Variants in SLC39A11 observed in about 807,000 individuals in gnomAD.
SLC39A11 encodes zinc transporter ZIP11.
Under a neutral mutation model 36.1 loss-of-function variants are expected in SLC39A11, and 33 were observed. The ratio of observed to expected loss-of-function variants is 0.91; its 90% CI spans 0.69 to 1.22. The LOEUF (loss-of-function observed/expected upper bound fraction) is 1.22. Among genes scored for constraint, SLC39A11 ranks in the 50% most tolerant of loss-of-function variants. The pLI is 0.00. For missense variants in SLC39A11, 432 were observed against 430.3 expected, an observed-to-expected ratio of 1.00 and a Z score of -0.03; for synonymous variants, 166 against 170.3, an observed-to-expected ratio of 0.97 and a Z score of 0.20.
At chr17:72,854,472 T>G (rs1217845088) in intron 5 of SLC39A11, among the ~76,000 whole-genome samples, 2 of 152,134 alleles carry the variant, frequency 1.3e-5, no homozygotes, top group African/African-American at 4.8e-5. Flanking sequence ...CTATAATCAT[T>G]CTTACTTGCA....
chr17:73,073,635 C>T (rs968052269), intron 3 of SLC39A11: 1 of 152,210 alleles, frequency 6.6e-6, no homozygotes, highest in Non-Finnish European at 1.5e-5. Context: ...TCCCTAAATC[C>T]TTAAAAAGCA....
chr17:73,004,060 T>C (rs2089984543), intron 4 of SLC39A11, among the ~76,000 whole-genome samples: 1 of 145,570 alleles, frequency 6.9e-6, no homozygotes, highest in Admixed American at 7.1e-5. Flanking sequence ...CCCTCCAGCC[T>C]GGGCGACAGA....
intron 7 of SLC39A11, among the ~76,000 whole-genome samples, chr17:72,717,209 G>T (rs1289705474): frequency 6.6e-6 from 1 of 151,122 alleles, no homozygotes; most frequent in African/African-American, 2.4e-5. Context: ...GGAAAAAAAA[G>T]TGGCCTTGGG....
At chr17:72,692,008 T>C (rs560631795) in intron 7 of SLC39A11, among the ~76,000 whole-genome samples, 1 of 141,828 alleles carries the variant, frequency 7.1e-6, no homozygotes, top group Admixed American at 7.2e-5. Context: ...TACCTCAAAG[T>C]AGTGGATTTT....
chr17:72,789,074 C>T (rs1435280730), intron 6 of SLC39A11, among the ~76,000 whole-genome samples: 6 of 150,720 alleles, frequency 4.0e-5, no homozygotes, highest in African/African-American at 9.8e-5. Flanking sequence ...CTCATTCCAT[C>T]GCCAGATTGG....
At chr17:73,028,754 T>C (rs1353689752) in intron 4 of SLC39A11, among the ~76,000 whole-genome samples, 2 of 150,950 alleles carry the variant, frequency 1.3e-5, no homozygotes, top group Non-Finnish European at 2.9e-5. Flanking sequence ...GGCTTCCCTC[T>C]GGGATCTCCT....
chr17:72,847,294 T>A (rs2079093189), intron 6 of SLC39A11, among the ~76,000 whole-genome samples: 1 of 151,794 alleles, frequency 6.6e-6, no homozygotes, highest in Non-Finnish European at 1.5e-5. Flanking sequence ...TCCCAGCTAC[T>A]CGGGAGGCCG....
rs190768994 is a variant in SLC39A11 at position 72,710,102 on chromosome 17, C to T, written c.671+26548G>A. ...TTCCCCTGTCTCTCTTAATTTCCCT[C>T]TTCGTCCTTTGCTTACAGGGAGAAT... On this transcript the variant is annotated intron_variant, in intron 7 of 9. Coordinates refer to ENST00000255559, the MANE Select transcript of SLC39A11 (RefSeq NM_139177.4). Among the ~76,000 whole-genome samples, 3 of 152,334 alleles carry T rather than the reference C, an allele frequency of 2.0e-5. No individual in the cohort carries two copies. In the East Asian group the frequency reaches 5.8e-4, roughly 29 times the overall value.
intron 6 of SLC39A11, 31 bp downstream of exon 6, chr17:72,849,603 G>A (rs780593694): frequency 1.4e-6 from 2 of 1,459,708 alleles, no homozygotes; most frequent in Non-Finnish European, 1.8e-6. Flanking sequence ...CCTTCAGGCA[G>A]TGGCTGTCAC....
intron 1 of SLC39A11, 59 bp downstream of exon 1, chr17:73,092,552 C>T (rs1236127937): frequency 2.0e-5 from 3 of 152,924 alleles, no homozygotes; most frequent in Admixed American, 6.5e-5. Context: ...TCCTGATGGC[C>T]TCCGACCCCG....
Position 73,009,562 on chromosome 17 carries a change from T to C in SLC39A11, c.306+21994A>G, listed in dbSNP as rs186277490. Among the ~76,000 whole-genome samples the C allele has an allele frequency of 2.3e-3, 353 of 151,864 alleles. 2 individuals carry two copies. The highest frequency in any genetic ancestry group is 8.4e-3 in the African/African-American group (346 of 41,400). On this transcript the variant is annotated intron_variant, in intron 4 of 9. Coordinates refer to ENST00000255559, the MANE Select transcript of SLC39A11 (RefSeq NM_139177.4). Reference sequence around the variant, plus strand: ...CAGGCGGTGGAGAGTAAGCGAAGAATGGGGAGATGGAGAGTGATGGCTTAA... The same window carrying C: ...CAGGCGGTGGAGAGTAAGCGAAGAACGGGGAGATGGAGAGTGATGGCTTAA...
intron 5 of SLC39A11, among the ~76,000 whole-genome samples, chr17:72,916,182 A>G (rs2083320180): frequency 6.6e-6 from 1 of 152,250 alleles, no homozygotes; most frequent in Admixed American, 6.5e-5. Flanking sequence ...CTGCCCTCAC[A>G]GCAGTGAAAT....
At chr17:72,952,664 C>CTGGTT (rs1243030464) in intron 4 of SLC39A11, among the ~76,000 whole-genome samples, 2 of 152,360 alleles carry the variant, frequency 1.3e-5, no homozygotes, top group East Asian at 1.9e-4. Context: ...GTTTACATTT[C>CTGGTT]TGGTTTGGTT....
chr17:72,749,657 G>A (rs975367817), intron 6 of SLC39A11, among the ~76,000 whole-genome samples: 5 of 152,086 alleles, frequency 3.3e-5, no homozygotes, highest in Non-Finnish European at 7.4e-5. Flanking sequence ...TTGGGAAACC[G>A]GGGCTGCAGA....
intron 7 of SLC39A11, among the ~76,000 whole-genome samples, chr17:72,729,447 A>ATTT (rs2074114827): frequency 2.5e-4 from 1 of 4,000 alleles, no homozygotes; most frequent in Non-Finnish European, 4.6e-4. Context: ...ATATATATAT[A>ATTT]TATATATATA....
chr17:72,889,917 G>A (rs2081636406), intron 5 of SLC39A11, among the ~76,000 whole-genome samples: 1 of 152,120 alleles, frequency 6.6e-6, no homozygotes, highest in African/African-American at 2.4e-5. Context: ...TCCAGTGAAG[G>A]GCTGGAAGCA....
intron 6 of SLC39A11, among the ~76,000 whole-genome samples, chr17:72,769,635 C>T (rs967773525): frequency 1.3e-5 from 2 of 152,040 alleles, no homozygotes; most frequent in African/African-American, 2.4e-5. Context: ...ACCTCCCCCT[C>T]CTGGGTTCAA....
At chr17:73,085,076 G>C (rs2060678496) in intron 2 of SLC39A11, among the ~76,000 whole-genome samples, 1 of 152,180 alleles carries the variant, frequency 6.6e-6, no homozygotes, top group African/African-American at 2.4e-5. Flanking sequence ...GTGGTGCTTG[G>C]CTTGTCTTGG....
intron 5 of SLC39A11, among the ~76,000 whole-genome samples, chr17:72,883,878 G>C (rs1448068909): frequency 6.6e-6 from 1 of 152,174 alleles, no homozygotes; most frequent in Non-Finnish European, 1.5e-5. Context: ...ATCTGGGCTG[G>C]GTGCAGTGGC....
Sources: gnomAD v4.1 joint callset for allele counts (sites outside exome capture counted in the v4.1 genomes callset) on GRCh38, gnomAD v4.1.1 for gene constraint, MANE v1.5 for transcripts, NCBI Gene and HGNC (gene_info 2026-07-23, HGNC 2026-07-21) for gene names.